Variants in TJP1 observed in about 807,000 individuals in gnomAD.
The protein encoded by TJP1 is tight junction protein ZO-1.
Under a neutral mutation model 194.2 loss-of-function variants are expected in TJP1, and 43 were observed. The ratio of observed to expected loss-of-function variants is 0.22; its 90% CI spans 0.17 to 0.29. The LOEUF is 0.29. Among genes scored for constraint, TJP1 ranks in the 10% least tolerant of loss-of-function variants. TJP1 has a pLI of 1.00. For synonymous variants in TJP1, 801 were observed against 779.0 expected (o/e 1.03, Z -0.47); for missense variants, 1,971 against 2,185.7 (o/e 0.90, Z 1.96).
At chr15:29,955,439 C>T (rs1419644263) in intron 2 of TJP1, among the ~76,000 whole-genome samples, 8 of 151,972 alleles carry the variant, frequency 5.3e-5, no homozygotes, top group Non-Finnish European at 1.2e-4. Flanking sequence ...CAAAAACATG[C>T]ATGAATTTAC....
intron 11 of TJP1, 133 bp from the exon 12 acceptor site, chr15:29,734,515 G>A (rs932534126): frequency 1.9e-5 from 12 of 620,178 alleles, no homozygotes; most frequent in Middle Eastern, 4.6e-4. Context: ...ACAGAGTCTC[G>A]CTCTGTCGCC....
At chr15:29,949,164 C>G (rs1435569410) in intron 2 of TJP1, among the ~76,000 whole-genome samples, 2 of 149,474 alleles carry the variant, frequency 1.3e-5, no homozygotes, top group Non-Finnish European at 3.0e-5. Flanking sequence ...ACTACTACCT[C>G]CACCACCACC....
At chr15:29,737,554 T>C in intron 10 of TJP1, 140 bp from the exon 11 acceptor site, 1 of 852,184 alleles carries the variant, frequency 1.2e-6, no homozygotes, top group Non-Finnish European at 1.7e-6. Flanking sequence ...TTTTACTAAA[T>C]AAAATTTAGT....
chr15:29,840,234 T>C (rs758596503), intron 2 of TJP1, among the ~76,000 whole-genome samples: 2 of 152,202 alleles, frequency 1.3e-5, no homozygotes, highest in Non-Finnish European at 2.9e-5. Flanking sequence ...AGAGCAAAGG[T>C]TGATTCTGAT....
chr15:29,910,612 T>C (rs1408048366), intron 2 of TJP1, among the ~76,000 whole-genome samples: 4 of 152,252 alleles, frequency 2.6e-5, no homozygotes, highest in Admixed American at 1.3e-4. Flanking sequence ...TTGAAAGTAA[T>C]TATATTTGTG....
chr15:29,921,847 C>CTTTTTTTT (rs202166290), intron 2 of TJP1, among the ~76,000 whole-genome samples: 1 of 147,208 alleles, frequency 6.8e-6, no homozygotes, highest in Non-Finnish European at 1.5e-5. Context: ...TTCTTTCTTT[C>CTTTTTTTT]TTTTTTTTTT....
chr15:29,871,712 G>A lies in TJP1; in HGVS notation c.307-71010C>T, dbSNP rs116454081. On this transcript the variant is annotated intron_variant, in intron 2 of 28. Coordinates refer to the TJP1 transcript ENST00000356107. ...GCATTCCCGTGAGTCCAGCCCTAAC[G>A]TCATCGGACTGCAGCCCCAAGAGAG... Among the ~76,000 whole-genome samples the A allele has an allele frequency of 9.9e-4, 151 of 152,332 alleles. 1 individual carries two copies. The highest frequency in any genetic ancestry group is 3.2e-3 in the African/African-American group (132 of 41,582).
At chr15:29,716,975 C>T in intron 22 of TJP1, 137 bp from the exon 23 acceptor site, 1 of 740,424 alleles carries the variant, frequency 1.4e-6, no homozygotes, top group Non-Finnish European at 2.1e-6. Context: ...TGAGCAGTCC[C>T]AACAGTTAAA....
Position 29,741,238 on chromosome 15 carries a change from A to T in TJP1, c.1256+93T>A, listed in dbSNP as rs989787761. The T allele has an allele frequency of 5.8e-5, 54 of 923,582 alleles. No homozygotes were observed. In the Admixed American group the frequency reaches 6.9e-4, roughly 12 times the overall value. 57.2% of individuals were successfully genotyped at this position (923,582 alleles called of 1,614,324 possible). ...TATTAGGTGGTATGTACTATTTTAA[A>T]AAATATATGCAATATGGTTTACAAT... On this transcript the variant is annotated intron_variant, in intron 10 of 27. Transcript: ENST00000614355.
chr15:29,914,754 C>T (rs2054129989), intron 2 of TJP1, among the ~76,000 whole-genome samples: 1 of 152,084 alleles, frequency 6.6e-6, no homozygotes, highest in African/African-American at 2.4e-5. Flanking sequence ...ACCTGAATTC[C>T]ACTCACACTG....
intron 2 of TJP1, among the ~76,000 whole-genome samples, chr15:29,868,607 A>T (rs532481908): frequency 6.6e-6 from 1 of 152,352 alleles, no homozygotes; most frequent in African/African-American, 2.4e-5. Flanking sequence ...GAAGGAAAAA[A>T]TAAACCAAGA....
chr15:29,705,801 C>T (rs2041862343), intron 25 of TJP1, 56 bp from the exon 26 acceptor site: 1 of 1,445,036 alleles, frequency 6.9e-7, no homozygotes, highest in Admixed American at 1.7e-5. Flanking sequence ...AGGTGCTTTG[C>T]TTTTACTACT....
intron 2 of TJP1, among the ~76,000 whole-genome samples, chr15:29,869,669 G>A (rs907900108): frequency 1.3e-5 from 2 of 151,986 alleles, no homozygotes; most frequent in African/African-American, 4.8e-5. Context: ...AAATCAGACA[G>A]GCACCTTACA....
At chr15:29,794,997 T>C (rs527465283) in intron 2 of TJP1, among the ~76,000 whole-genome samples, 2 of 152,052 alleles carry the variant, frequency 1.3e-5, no homozygotes, top group South Asian at 2.1e-4. Flanking sequence ...AGACACAAAT[T>C]ACCAATATAA....
At chr15:29,746,809 T>C (rs906517910) in intron 8 of TJP1, among the ~76,000 whole-genome samples, 3 of 152,132 alleles carry the variant, frequency 2.0e-5, no homozygotes, top group Non-Finnish European at 4.4e-5. Context: ...GTACTTTGCA[T>C]AGTTTCTATT....
intron 10 of TJP1, among the ~76,000 whole-genome samples, chr15:29,737,943 G>A (rs1198561176): frequency 6.6e-6 from 1 of 152,130 alleles, no homozygotes; most frequent in African/African-American, 2.4e-5. Context: ...TCTTTCAGTA[G>A]TTCACAGAGT....
chr15:29,940,696 A>G (rs2055041645), intron 2 of TJP1, among the ~76,000 whole-genome samples: 1 of 152,250 alleles, frequency 6.6e-6, no homozygotes, highest in Non-Finnish European at 1.5e-5. Flanking sequence ...GAAATAATCT[A>G]AGATCATCTC....
At chr15:29,947,536 G>A (rs997158345) in intron 2 of TJP1, among the ~76,000 whole-genome samples, 4 of 152,114 alleles carry the variant, frequency 2.6e-5, no homozygotes, top group Admixed American at 2.6e-4. Context: ...CAAAGTACCC[G>A]TTTCCTCCTT....
At chr15:29,710,542 T>C (rs888373229) in intron 24 of TJP1, among the ~76,000 whole-genome samples, 5 of 152,178 alleles carry the variant, frequency 3.3e-5, no homozygotes, top group Non-Finnish European at 5.9e-5. Context: ...AGATAAAACA[T>C]AGTAGGTTTT....
Sources: allele counts gnomAD v4.1 joint callset (sites outside exome capture counted in the v4.1 genomes callset), GRCh38; gene constraint gnomAD v4.1.1; transcripts MANE v1.5; gene names NCBI Gene and HGNC (gene_info 2026-07-23, HGNC 2026-07-21).